The following ZNF407 variants were observed in gnomAD, a reference collection of about 807,000 sequenced individuals.
ZNF407 encodes zinc finger protein 407.
Under a neutral mutation model 131.2 loss-of-function variants are expected in ZNF407, and 17 were observed. The ratio of observed to expected loss-of-function variants is 0.13; its 90% CI spans 0.09 to 0.19. The LOEUF (loss-of-function observed/expected upper bound fraction) is 0.19. Among genes scored for constraint, ZNF407 ranks in the 10% least tolerant of loss-of-function variants. The pLI is 1.00. For synonymous variants in ZNF407, 1,156 were observed against 1,062.0 expected (o/e 1.09, Z -1.72); for missense variants, 2,681 against 2,830.6 (o/e 0.95, Z 1.20).
intron 3 of ZNF407, among the ~76,000 whole-genome samples, chr18:74,706,388 G>A (rs1967624389): frequency 6.6e-6 from 1 of 152,122 alleles, no homozygotes; most frequent in African/African-American, 2.4e-5. Context: ...AACTGCAATT[G>A]ACAATGATTG....
intron 8 of ZNF407, among the ~76,000 whole-genome samples, chr18:75,025,542 T>A (rs1201872345): frequency 6.6e-6 from 1 of 152,126 alleles, no homozygotes; most frequent in Non-Finnish European, 1.5e-5. Context: ...GTGTACAACA[T>A]TTCACTTCAC....
chr18:74,881,098 A>G lies in ZNF407; in HGVS notation c.5107A>G (p.Lys1703Glu), dbSNP rs1484607104. Residue 1703 changes from lysine (K) to glutamate (E), a missense_variant, in exon 6 of 9, where the codon AAG (lysine) becomes GAG (glutamate). Lys to Glu is a moderately conservative substitution (Grantham distance 56). Around this residue, in one of 6 missense-constraint regions of ZNF407, gnomAD observed 213 missense variants for 332.2 expected, o/e 0.64. Coordinates refer to ENST00000299687, the MANE Select transcript of ZNF407 (RefSeq NM_017757.3). Reference protein sequence around the residue: ...FAGGTRHALTKHRRQHTGEKP... With the variant: ...FAGGTRHALTEHRRQHTGEKP... ...CGGCGGGACCCGCCACGCCCTCACCAAGCATCGCAGACAGCACACAGGTCA... is the reference window on the plus strand; with the variant it reads ...CGGCGGGACCCGCCACGCCCTCACCGAGCATCGCAGACAGCACACAGGTCA... 1.3e-6 allele frequency: 2 copies of G among 1,578,840 alleles called. No homozygotes were observed. Among genetic ancestry groups the G allele is most frequent in the Non-Finnish European group, 1.7e-6 (2 of 1,162,024 alleles).
At chr18:74,750,476 G>A (rs1482158685) in intron 3 of ZNF407, among the ~76,000 whole-genome samples, 1 of 152,008 alleles carries the variant, frequency 6.6e-6, no homozygotes, top group African/African-American at 2.4e-5. Context: ...ACAATATGTG[G>A]CCTTTTGTGT....
At chr18:74,757,879 C>T (rs994216351) in intron 3 of ZNF407, among the ~76,000 whole-genome samples, 2 of 151,992 alleles carry the variant, frequency 1.3e-5, no homozygotes, top group African/African-American at 2.4e-5. Flanking sequence ...TAAATGTTCT[C>T]CCCCGTTTTT....
At chr18:74,715,967 G>A (rs1480149293) in intron 3 of ZNF407, among the ~76,000 whole-genome samples, 1 of 152,098 alleles carries the variant, frequency 6.6e-6, no homozygotes, top group Non-Finnish European at 1.5e-5. Flanking sequence ...TCATGCAATT[G>A]CTGTCCATTA....
At chr18:74,914,438 G>A (rs557563321) in intron 7 of ZNF407, among the ~76,000 whole-genome samples, 2 of 152,232 alleles carry the variant, frequency 1.3e-5, no homozygotes, top group Admixed American at 6.5e-5. Context: ...TTTCCCCTCC[G>A]TCACTTCCTA....
rs143975593 is a variant in ZNF407, at chr18:74,621,671, G to A, written c.-53-9296G>A. 9.0e-3 allele frequency among the ~76,000 whole-genome samples: 1,368 copies of A among 152,252 alleles called. 7 individuals are homozygous for A. The highest frequency in any genetic ancestry group is 0.034 in the Middle Eastern group (10 of 294). On this transcript the variant is annotated intron_variant, in intron 1 of 8. Coordinates refer to ENST00000299687, the MANE Select transcript of ZNF407 (RefSeq NM_017757.3). The stretch of plus-strand genomic sequence containing the variant: ...GAAGCACAGGGTCTCTTAGAACTTC[G>A]TCTCCAGCATGCAGCATCCTCACTT...
chr18:74,974,641 A>AT (rs60482973), intron 8 of ZNF407, among the ~76,000 whole-genome samples: 1 of 152,212 alleles, frequency 6.6e-6, no homozygotes, highest in African/African-American at 2.4e-5. Context: ...GAAGTAGATT[A>AT]TTTTTTTAAA....
intron 3 of ZNF407, among the ~76,000 whole-genome samples, chr18:74,757,588 G>A (rs1019146631): frequency 7.9e-5 from 12 of 151,990 alleles, no homozygotes; most frequent in Admixed American, 6.6e-4. Context: ...ATCAGTTCTG[G>A]AGGCTATTCT....
chr18:74,976,329 C>T (rs1329589518), intron 8 of ZNF407, among the ~76,000 whole-genome samples: 1 of 152,110 alleles, frequency 6.6e-6, no homozygotes, highest in South Asian at 2.1e-4. Flanking sequence ...TGCCCCTTTT[C>T]CAGTTCATCT....
intron 8 of ZNF407, among the ~76,000 whole-genome samples, chr18:75,041,437 TCACA>T (rs1172153910): frequency 2.6e-5 from 4 of 151,996 alleles, no homozygotes; most frequent in South Asian, 2.1e-4. Context: ...TTCTTACCTC[TCACA>T]CACACACTCT....
chr18:74,882,585 G>A (rs117528372), intron 6 of ZNF407, among the ~76,000 whole-genome samples: 136 of 152,310 alleles, frequency 8.9e-4, no homozygotes, highest in Non-Finnish European at 1.7e-3. Flanking sequence ...GTATGAATAT[G>A]ATTCAGATTT....
At chr18:75,059,069 G>A (rs1467542178) in intron 8 of ZNF407, among the ~76,000 whole-genome samples, 1 of 152,214 alleles carries the variant, frequency 6.6e-6, no homozygotes, top group Non-Finnish European at 1.5e-5. Context: ...GTGCGGAGGT[G>A]AGGACATTGG....
intron 3 of ZNF407, among the ~76,000 whole-genome samples, chr18:74,677,758 G>T (rs1986452403): frequency 6.6e-6 from 1 of 152,038 alleles, no homozygotes; most frequent in Non-Finnish European, 1.5e-5. Context: ...AAGCCCCTTT[G>T]GGTCCATTTC....
intron 8 of ZNF407, among the ~76,000 whole-genome samples, chr18:74,996,979 G>T (rs993079208): frequency 1.3e-5 from 2 of 152,066 alleles, no homozygotes; most frequent in African/African-American, 2.4e-5. Context: ...TTTTAGCAAG[G>T]CAAAGTAATC....
intron 8 of ZNF407, among the ~76,000 whole-genome samples, chr18:75,035,664 C>A (rs971465974): frequency 2.0e-5 from 3 of 152,222 alleles, no homozygotes; most frequent in African/African-American, 7.2e-5. Flanking sequence ...GTGGCTGATA[C>A]GTCCTGCAGC....
chr18:74,632,462 A>C lies in ZNF407; in HGVS notation c.1443A>C (p.Glu481Asp), dbSNP rs1984161791. 6.2e-7 allele frequency: 1 copy of C among 1,613,938 alleles called. No homozygotes were observed. The highest frequency in any genetic ancestry group is 1.3e-5 in the African/African-American group (1 of 74,952). The change falls in exon 2 of 9, where the codon GAA becomes GAC. Residue 481 changes from glutamate (E) to aspartate (D), a missense_variant. By Grantham distance (45) the Glu-to-Asp change is conservative. Coordinates refer to ENST00000299687, the MANE Select transcript of ZNF407 (RefSeq NM_017757.3). ...CAGAATCAGTGCTGAAACACCTGGA[A>C]GCGTGCAGCAGTGTGCAGAGAGTGT... ...HDAESVLKHLEACSSVQRVCV... is the reference protein window; with the variant it reads ...HDAESVLKHLDACSSVQRVCV...
chr18:74,968,712 TTTTC>T (rs1314191581), intron 8 of ZNF407, among the ~76,000 whole-genome samples: 1 of 152,194 alleles, frequency 6.6e-6, no homozygotes, highest in East Asian at 1.9e-4. Flanking sequence ...TTCAAGATTT[TTTTC>T]TTTGTCTTTA....
chr18:75,012,301 T>TAGCAGGCTCTGGGG (rs1568300448), intron 8 of ZNF407, among the ~76,000 whole-genome samples: 16 of 112,384 alleles, frequency 1.4e-4, no homozygotes, highest in East Asian at 2.7e-4. Context: ...ACATAGTGTA[T>TAGCAGGCTCTGGGG]GTACACATAG....
Sources: gnomAD v4.1 joint callset for allele counts (sites outside exome capture counted in the v4.1 genomes callset) on GRCh38, gnomAD v4.1.1 for gene constraint, gnomAD v4.1.1 regional missense constraint, MANE v1.5 for transcripts, NCBI Gene and HGNC (gene_info 2026-07-23, HGNC 2026-07-21) for gene names.